SMAD5: variants seen among roughly 807,000 people sequenced by gnomAD.
The protein encoded by SMAD5 is MAD, mothers against decapentaplegic homolog 5.
Under a neutral mutation model 43.1 loss-of-function variants are expected in SMAD5, and 9 were observed. The ratio of observed to expected loss-of-function variants is 0.21; its 90% CI spans 0.13 to 0.36. The LOEUF is 0.36. SMAD5 is among the 10% of genes least tolerant of loss of function. The pLI is 1.00. For synonymous variants in SMAD5, 190 were observed against 192.4 expected, an observed-to-expected ratio of 0.99 and a Z score of 0.10; for missense variants, 348 against 574.0, an observed-to-expected ratio of 0.61 and a Z score of 4.02.
At chr5:136,135,080 G>T (rs191135869) in intron 1 of SMAD5, among the ~76,000 whole-genome samples, 4 of 152,312 alleles carry the variant, frequency 2.6e-5, no homozygotes, top group African/African-American at 7.2e-5. Flanking sequence ...GTTCACTGTG[G>T]TAGGCGCCAC....
chr5:136,146,462 G>A (rs1444965939), intron 1 of SMAD5, among the ~76,000 whole-genome samples: 1 of 151,750 alleles, frequency 6.6e-6, no homozygotes, highest in African/African-American at 2.4e-5. Context: ...GAAAGGCAAA[G>A]GGGGCATGAA....
intron 1 of SMAD5, among the ~76,000 whole-genome samples, chr5:136,137,969 G>C (rs1447009407): frequency 6.6e-6 from 1 of 152,156 alleles, no homozygotes. Context: ...TTTGGTATCT[G>C]CACTTGATGA....
chr5:136,172,353 G>A (rs1357734649), intron 5 of SMAD5, 81 bp from the exon 6 acceptor site: 2 of 767,094 alleles, frequency 2.6e-6, no homozygotes, highest in African/African-American at 3.5e-5. Context: ...GTAATACTTG[G>A]GTTGGGTTAA....
At chr5:136,171,849 A>G (rs1360534215) in intron 5 of SMAD5, among the ~76,000 whole-genome samples, 1 of 152,200 alleles carries the variant, frequency 6.6e-6, no homozygotes, top group Non-Finnish European at 1.5e-5. Flanking sequence ...TGGAATGCTA[A>G]TGGACCATAT....
intron 1 of SMAD5, among the ~76,000 whole-genome samples, chr5:136,138,757 A>G (rs143393653): frequency 0.03 from 4,633 of 152,202 alleles, 101 homozygotes; most frequent in African/African-American, 0.059. Flanking sequence ...GATCCTGAGC[A>G]CCTTGGTTCC....
chr5:136,157,976 G>A (rs1032621730), intron 3 of SMAD5, among the ~76,000 whole-genome samples: 3 of 152,160 alleles, frequency 2.0e-5, no homozygotes, highest in Non-Finnish European at 4.4e-5. Context: ...TTGTAAAATG[G>A]TAATAATACT....
chr5:136,168,969 G>C (rs994786720), intron 5 of SMAD5, among the ~76,000 whole-genome samples: 9 of 152,112 alleles, frequency 5.9e-5, no homozygotes, highest in Non-Finnish European at 1.2e-4. Context: ...ATATATGAAA[G>C]GGAGTTTATT....
At chr5:136,156,101 A>C (rs1459753441) in intron 3 of SMAD5, among the ~76,000 whole-genome samples, 2 of 152,172 alleles carry the variant, frequency 1.3e-5, no homozygotes, top group African/African-American at 4.8e-5. Context: ...TCAGAAGCTC[A>C]ATTAGGGAAG....
At chr5:136,146,197 G>A (rs1233703130) in intron 1 of SMAD5, among the ~76,000 whole-genome samples, 1 of 151,788 alleles carries the variant, frequency 6.6e-6, no homozygotes, top group Non-Finnish European at 1.5e-5. Context: ...TTTAGCACTG[G>A]TTATTATGTA....
intron 1 of SMAD5, among the ~76,000 whole-genome samples, chr5:136,137,256 T>C (rs958109702): frequency 2.0e-5 from 3 of 146,674 alleles, no homozygotes; most frequent in African/African-American, 7.8e-5. Flanking sequence ...GGTTTTGCTC[T>C]TGAATTTTTT....
intron 1 of SMAD5, among the ~76,000 whole-genome samples, chr5:136,140,973 ATAAAG>A (rs1283056585): frequency 6.6e-6 from 1 of 152,154 alleles, no homozygotes; most frequent in Non-Finnish European, 1.5e-5. Flanking sequence ...AGAGACAGAA[ATAAAG>A]TAAATGAACA....
intron 1 of SMAD5, among the ~76,000 whole-genome samples, chr5:136,136,579 T>G (rs570488435): frequency 1.5e-3 from 223 of 152,352 alleles, no homozygotes; most frequent in African/African-American, 5.2e-3. Flanking sequence ...TGTTAAAAAC[T>G]AGATTGTTGT....
intron 5 of SMAD5, among the ~76,000 whole-genome samples, chr5:136,165,255 C>T (rs1753956095): frequency 6.6e-6 from 1 of 152,054 alleles, no homozygotes; most frequent in African/African-American, 2.4e-5. Context: ...CTGAAGTGCT[C>T]CTCCACCTTA....
chr5:136,138,195 CAA>C (rs1752949963), intron 1 of SMAD5, among the ~76,000 whole-genome samples: 1 of 152,026 alleles, frequency 6.6e-6, no homozygotes, highest in Non-Finnish European at 1.5e-5. Context: ...AACTGGGAAA[CAA>C]AAGTCTGGCT....
In SMAD5 at chr5:136,182,116, A is replaced by G. The variant is rs1754646981; in HGVS notation, c.*4636A>G. 6.6e-6 allele frequency: 1 copy of G among 152,122 alleles called. No individual in the cohort carries two copies. The highest frequency in any genetic ancestry group is 1.9e-4 in the East Asian group (1 of 5,192). 9.4% of individuals were successfully genotyped at this position (152,122 alleles called of 1,614,324 possible). On this transcript the variant is annotated 3_prime_UTR_variant, in exon 8 of 8. Coordinates refer to ENST00000545279, the MANE Select transcript of SMAD5 (RefSeq NM_005903.7). ...TTTGAAGATGCTGTTAAAGTACAGA[A>G]TTTTGTGTACAGGTAGATTTTTCCG...
chr5:136,155,504 A>G (rs1384812900), intron 3 of SMAD5, among the ~76,000 whole-genome samples: 3 of 152,186 alleles, frequency 2.0e-5, no homozygotes, highest in Non-Finnish European at 4.4e-5. Flanking sequence ...AACAGCCAGA[A>G]TGATTTTTTA....
rs1561663562 is a variant in SMAD5 at position 136,180,019 on chromosome 5, C to CGTG, written c.*2539_*2540insGTG. 1.1e-4 allele frequency: 17 copies of CGTG among 152,230 alleles called. No homozygotes were observed. Among genetic ancestry groups the CGTG allele is most frequent in the African/African-American group, 3.9e-4 (16 of 41,548 alleles). The allele number at this position is 152,230 out of a possible 1,614,324, so 9.4% of individuals were successfully genotyped here. Reference sequence around the variant, plus strand: ...TTGTTTTCTCTTAGGAGTTGTGTCTCATGAATGACAGTACTAAAGCTATTA... The same window carrying CGTG: ...TTGTTTTCTCTTAGGAGTTGTGTCTCGTGATGAATGACAGTACTAAAGCTATTA... On this transcript the variant is annotated 3_prime_UTR_variant, in exon 8 of 8. Coordinates refer to ENST00000545279, the MANE Select transcript of SMAD5 (RefSeq NM_005903.7).
At chr5:136,142,418 A>G (rs1440581822) in intron 1 of SMAD5, among the ~76,000 whole-genome samples, 1 of 152,122 alleles carries the variant, frequency 6.6e-6, no homozygotes, top group Admixed American at 6.6e-5. Context: ...CTGAGGTACC[A>G]CTGCATCTCT....
At chr5:136,168,643 A>G (rs1245897473) in intron 5 of SMAD5, among the ~76,000 whole-genome samples, 1 of 152,166 alleles carries the variant, frequency 6.6e-6, no homozygotes, top group Non-Finnish European at 1.5e-5. Flanking sequence ...GTGGGTTTTT[A>G]ACACATGTAT....
Sources: gnomAD v4.1 joint callset for allele counts (sites outside exome capture counted in the v4.1 genomes callset) on GRCh38, gnomAD v4.1.1 for gene constraint, MANE v1.5 for transcripts, NCBI Gene and HGNC (gene_info 2026-07-23, HGNC 2026-07-21) for gene names.